SLC39A8: variants seen among roughly 807,000 people sequenced by gnomAD.
SLC39A8 encodes metal cation symporter ZIP8.
In SLC39A8, 15 loss-of-function variants were observed where a neutral mutation model predicts 40.4. The ratio of observed to expected loss-of-function variants is 0.37; its 90% CI spans 0.25 to 0.57. The LOEUF is 0.57. SLC39A8 is among the 20% of genes least tolerant of loss of function. SLC39A8 has a pLI of 0.75. For synonymous variants in SLC39A8, 223 were observed against 221.6 expected (o/e 1.01, Z -0.06); for missense variants, 472 against 558.8 (o/e 0.84, Z 1.57).
chr4:102,282,883 T>C (rs1027312261), intron 6 of SLC39A8, among the ~76,000 whole-genome samples: 17 of 152,140 alleles, frequency 1.1e-4, no homozygotes, highest in East Asian at 7.8e-4. Flanking sequence ...CGTGCCACCA[T>C]GCCTGGCTAA....
chr4:102,292,580 C>T (rs1733496169), intron 6 of SLC39A8, among the ~76,000 whole-genome samples: 1 of 152,074 alleles, frequency 6.6e-6, no homozygotes, highest in Non-Finnish European at 1.5e-5. Context: ...ATGCTTTCCT[C>T]CTTCCAGTTG....
chr4:102,253,243 C>T (rs925169680), exon 12 of SLC39A8: 2 of 419,016 alleles, frequency 4.8e-6, no homozygotes, highest in African/African-American at 4.1e-5. Flanking sequence ...CACCTACAAA[C>T]AAAGTCCCTA....
At chr4:102,296,423 A>C (rs560941388) in intron 6 of SLC39A8, among the ~76,000 whole-genome samples, 1 of 152,216 alleles carries the variant, frequency 6.6e-6, no homozygotes, top group South Asian at 2.1e-4. Flanking sequence ...CTTGATGACT[A>C]TGATAAAAAC....
chr4:102,342,548 G>C (rs1459624909), intron 2 of SLC39A8, among the ~76,000 whole-genome samples: 2 of 152,134 alleles, frequency 1.3e-5, no homozygotes, highest in African/African-American at 4.8e-5. Flanking sequence ...TTATTAAGTG[G>C]TAAATTTTCC....
At chr4:102,304,055 A>T (rs1734026851) in intron 6 of SLC39A8, among the ~76,000 whole-genome samples, 1 of 151,852 alleles carries the variant, frequency 6.6e-6, no homozygotes, top group Non-Finnish European at 1.5e-5. Flanking sequence ...CAATTGAGAG[A>T]CTCTCATATA....
chr4:102,317,845 G>A (rs1338660216), intron 2 of SLC39A8, among the ~76,000 whole-genome samples: 1 of 152,134 alleles, frequency 6.6e-6, no homozygotes, highest in Non-Finnish European at 1.5e-5. Flanking sequence ...AATACCTGAT[G>A]ACTGTTAAGC....
intron 6 of SLC39A8, among the ~76,000 whole-genome samples, chr4:102,280,274 T>C (rs1351474699): frequency 6.6e-6 from 1 of 152,192 alleles, no homozygotes; most frequent in Non-Finnish European, 1.5e-5. Context: ...TGCCCTGTGG[T>C]TCACCTACAC....
intron 2 of SLC39A8, among the ~76,000 whole-genome samples, chr4:102,322,315 T>G (rs1374649228): frequency 6.6e-6 from 1 of 152,222 alleles, no homozygotes; most frequent in East Asian, 1.9e-4. Flanking sequence ...AAAGCTGATG[T>G]GCACCCTGAC....
intron 2 of SLC39A8, among the ~76,000 whole-genome samples, chr4:102,325,898 A>G (rs1735175011): frequency 6.6e-6 from 1 of 152,196 alleles, no homozygotes; most frequent in Non-Finnish European, 1.5e-5. Context: ...GGTTTACAAC[A>G]TTTTCTGTCT....
chr4:102,329,489 G>C (rs535075924), intron 2 of SLC39A8, among the ~76,000 whole-genome samples: 1 of 152,164 alleles, frequency 6.6e-6, no homozygotes, highest in South Asian at 2.1e-4. Context: ...TGGGCATGGT[G>C]GTGGGCGCCT....
At chr4:102,254,840 T>C (rs1578547818) in intron 11 of SLC39A8, among the ~76,000 whole-genome samples, 1 of 152,342 alleles carries the variant, frequency 6.6e-6, no homozygotes, top group East Asian at 1.9e-4. Flanking sequence ...CCATTATTTG[T>C]TCTGAACTCA....
chr4:102,328,045 A>T (rs1735293733), intron 2 of SLC39A8, among the ~76,000 whole-genome samples: 2 of 152,250 alleles, frequency 1.3e-5, no homozygotes, highest in Admixed American at 1.3e-4. Context: ...CTAAATGAGA[A>T]GAAAAAAATT....
intron 6 of SLC39A8, among the ~76,000 whole-genome samples, chr4:102,290,770 TA>T (rs910206370): frequency 6.6e-6 from 1 of 152,064 alleles, no homozygotes; most frequent in African/African-American, 2.4e-5. Context: ...AGAGAGAGCC[TA>T]TTAAAAGCCT....
At chr4:102,344,195 G>A (rs906008819) in intron 2 of SLC39A8, among the ~76,000 whole-genome samples, 2 of 152,124 alleles carry the variant, frequency 1.3e-5, no homozygotes, top group Non-Finnish European at 2.9e-5. Context: ...AAAATCACCA[G>A]AGTCGGACCT....
chr4:102,311,688 T>C (rs1734432724), intron 3 of SLC39A8, among the ~76,000 whole-genome samples: 1 of 152,160 alleles, frequency 6.6e-6, no homozygotes, highest in East Asian at 1.9e-4. Flanking sequence ...ATCAGTTTAC[T>C]GTACTCATCA....
Position 102,320,235 on chromosome 4 carries a change from A to C in SLC39A8, c.220-4405T>G, listed in dbSNP as rs1358678366. Among the ~76,000 whole-genome samples, 20 of 138,486 alleles carry C rather than the reference A, an allele frequency of 1.4e-4. 1 individual carries two copies. Among genetic ancestry groups the C allele is most frequent in the African/African-American group, 4.3e-4 (16 of 37,574 alleles). The allele number at this position is 138,486 out of a possible 152,430, so 90.9% of individuals were successfully genotyped here. ...TATATGTATATATGTATGAGTATAT[A>C]TATATGAGAATATATATATGAGTAT... is the stretch of plus-strand genomic sequence containing the variant. On this transcript the variant is annotated intron_variant, in intron 2 of 8. Coordinates refer to ENST00000356736, the MANE Select transcript of SLC39A8 (RefSeq NM_001135146.2).
chr4:102,272,467 C>T (rs531694930), intron 6 of SLC39A8, among the ~76,000 whole-genome samples: 2 of 151,800 alleles, frequency 1.3e-5, no homozygotes, highest in East Asian at 1.9e-4. Context: ...AAAAATTACC[C>T]AGGTATGGTG....
At chr4:102,326,519 C>T (rs1735210288) in intron 2 of SLC39A8, among the ~76,000 whole-genome samples, 1 of 152,160 alleles carries the variant, frequency 6.6e-6, no homozygotes, top group Non-Finnish European at 1.5e-5. Flanking sequence ...CGAGATCGCG[C>T]CACTGCATTC....
At chr4:102,328,032 A>G (rs575563725) in intron 2 of SLC39A8, among the ~76,000 whole-genome samples, 141 of 152,230 alleles carry the variant, frequency 9.3e-4, no homozygotes, top group Non-Finnish European at 1.6e-3. Context: ...AGAAAATCCC[A>G]GGCTAAATGA....
Sources: gnomAD v4.1 joint callset for allele counts (sites outside exome capture counted in the v4.1 genomes callset) on GRCh38, gnomAD v4.1.1 for gene constraint, MANE v1.5 for transcripts, NCBI Gene and HGNC (gene_info 2026-07-23, HGNC 2026-07-21) for gene names.